ARMC8: variants seen among roughly 807,000 people sequenced by gnomAD.
ARMC8 encodes the protein armadillo repeat containing 8.
Under a neutral mutation model 99.3 loss-of-function variants are expected in ARMC8, and 20 were observed. The ratio of observed to expected loss-of-function variants is 0.20; its 90% confidence interval spans 0.14 to 0.29. The LOEUF is 0.29. Ranked by LOEUF, ARMC8 falls within the 10% of genes least tolerant of loss-of-function variation. The pLI is 1.00. For synonymous variants in ARMC8, 263 were observed against 278.3 expected (o/e 0.95, Z 0.55); for missense variants, 569 against 809.5 (o/e 0.70, Z 3.60).
intron 7 of ARMC8, among the ~76,000 whole-genome samples, chr3:138,237,089 C>T (rs1419934364): frequency 6.6e-6 from 1 of 152,046 alleles, no homozygotes; most frequent in Non-Finnish European, 1.5e-5. Flanking sequence ...TAAATTGCTA[C>T]TTCCTGATTT....
At chr3:138,232,599 G>A (rs1214891897) in intron 6 of ARMC8, among the ~76,000 whole-genome samples, 1 of 152,180 alleles carries the variant, frequency 6.6e-6, no homozygotes, top group Admixed American at 6.5e-5. Context: ...TAGGGTACTA[G>A]TTAAAGTTTA....
At chr3:138,190,114 A>G (rs942939597) in intron 1 of ARMC8, among the ~76,000 whole-genome samples, 2 of 151,798 alleles carry the variant, frequency 1.3e-5, no homozygotes, top group African/African-American at 4.8e-5. Flanking sequence ...AATTATTTTT[A>G]CTGTCTTTAA....
At chr3:138,207,215 C>T (rs973365553) in intron 1 of ARMC8, among the ~76,000 whole-genome samples, 15 of 152,330 alleles carry the variant, frequency 9.8e-5, no homozygotes, top group Middle Eastern at 3.4e-3. Context: ...AGAAGCCTTC[C>T]CTGATTCCCC....
chr3:138,297,592 A>T lies in ARMC8; in HGVS notation c.*1700A>T, dbSNP rs577102983. 212 of 152,312 alleles carry T rather than the reference A, an allele frequency of 1.4e-3. No individual in the cohort carries two copies. The highest frequency in any genetic ancestry group is 5.0e-3 in the African/African-American group (206 of 41,574). 9.4% of individuals were successfully genotyped at this position (152,312 alleles called of 1,614,324 possible). ...AATGAATGTTTTAAAAATGTATTTA[A>T]TGCAATTTTTCCTGCTCTCAACATG... On this transcript the variant is annotated 3_prime_UTR_variant, in exon 22 of 22. Transcript: ENST00000469044.
chr3:138,234,943 GAATGTGGTTTTCTACATTTAAGTA>G, intron 6 of ARMC8, 67 bp from the exon 7 acceptor site: 2 of 1,010,492 alleles, frequency 2.0e-6, no homozygotes, highest in East Asian at 2.5e-5. Flanking sequence ...GTACTGTAGT[GAATGTGGTTTTCTACATTTAAGTA>G]AATGTGGTTT....
chr3:138,222,292 T>C (rs1469028725), intron 3 of ARMC8, among the ~76,000 whole-genome samples: 1 of 152,230 alleles, frequency 6.6e-6, no homozygotes, highest in Admixed American at 6.5e-5. Flanking sequence ...CCTGATACTT[T>C]CTTCTCCATT....
At chr3:138,228,689 C>G (rs2045821528) in intron 5 of ARMC8, 1 of 518,542 alleles carries the variant, frequency 1.9e-6, no homozygotes, top group South Asian at 1.5e-5. Flanking sequence ...TGAGAATTTC[C>G]TGTTCTCATA....
chr3:138,187,516 C>A lies in ARMC8; in HGVS notation c.-39C>A. ...GTTGGCTGTCGAAAGTGCCGGCCCC[C>A]GCGCCGGCGCCTGCAGCAGCCGGGT... On this transcript the variant is annotated 5_prime_UTR_variant, in exon 1 of 22. Coordinates refer to ENST00000469044, the MANE Select transcript of ARMC8 (RefSeq NM_001363941.2). 4 of 1,534,838 alleles carry A rather than the reference C, an allele frequency of 2.6e-6. No individual in the cohort carries two copies. The highest frequency in any genetic ancestry group is 3.5e-6 in the Non-Finnish European group (4 of 1,145,930).
rs529160422 is a variant in ARMC8 at position 138,290,473 on chromosome 3, A to G, written c.1895-73A>G. 1.4e-5 allele frequency: 16 copies of G among 1,114,372 alleles called. No homozygotes were observed. In the South Asian group the frequency reaches 2.1e-4, roughly 15 times the overall value. 69.0% of individuals were successfully genotyped at this position (1,114,372 alleles called of 1,614,324 possible). A position where few individuals can be genotyped will look rare whatever the true frequency, so the allele number is the denominator to read the frequency against. On this transcript the variant is annotated intron_variant, in intron 20 of 21. Transcript: ENST00000469044. ...GAGTGAAGGACACTGGTAAGGCTCT[A>G]GATTGTTAATTGTACATCAAAGAGA...
intron 1 of ARMC8, among the ~76,000 whole-genome samples, chr3:138,202,083 C>G (rs1055060654): frequency 6.6e-6 from 1 of 152,106 alleles, no homozygotes; most frequent in Non-Finnish European, 1.5e-5. Context: ...GTTCAAACTT[C>G]CTATTTTTGT....
At position 138,187,388 on chromosome 3, in the gene ARMC8, C is replaced by G; in HGVS notation, c.-167C>G. On this transcript the variant is annotated 5_prime_UTR_variant, in exon 1 of 22. Coordinates refer to ENST00000469044, the MANE Select transcript of ARMC8 (RefSeq NM_001363941.2). Reference sequence around the variant, plus strand: ...GCCCCTGACGCCATTCCCTTTTGCCCTTCTTTCTGCGGGCCTTTCCGGTAC... The same window carrying G: ...GCCCCTGACGCCATTCCCTTTTGCCGTTCTTTCTGCGGGCCTTTCCGGTAC... 1 of 634,622 alleles carries G rather than the reference C, an allele frequency of 1.6e-6. No homozygotes were observed. Among genetic ancestry groups the G allele is most frequent in the South Asian group, 1.9e-5 (1 of 52,614 alleles). The allele number at this position is 634,622 out of a possible 1,614,324, so 39.3% of individuals were successfully genotyped here.
chr3:138,292,332 G>A (rs1434452345), intron 21 of ARMC8, among the ~76,000 whole-genome samples: 4 of 152,198 alleles, frequency 2.6e-5, no homozygotes, highest in African/African-American at 4.8e-5. Flanking sequence ...GAGCCACCAC[G>A]CCGGGCCCTG....
At chr3:138,245,205 C>T (rs1344672955) in intron 12 of ARMC8, 22 bp downstream of exon 12, 2 of 1,614,066 alleles carry the variant, frequency 1.2e-6, no homozygotes, top group African/African-American at 2.7e-5. Context: ...AGAGGGGCGT[C>T]CCCCAGTCCT....
intron 1 of ARMC8, among the ~76,000 whole-genome samples, chr3:138,196,791 C>T (rs563958460): frequency 2.0e-5 from 3 of 152,080 alleles, no homozygotes; most frequent in East Asian, 1.9e-4. Flanking sequence ...TGCTTGAACC[C>T]GGGAGGCAGA....
intron 15 of ARMC8, among the ~76,000 whole-genome samples, chr3:138,269,025 C>T (rs148018064): frequency 6.6e-6 from 1 of 152,028 alleles, no homozygotes; most frequent in Non-Finnish European, 1.5e-5. Flanking sequence ...TGTACGCATC[C>T]TACTTTCACA....
At chr3:138,255,252 G>C (rs1406101771) in intron 12 of ARMC8, among the ~76,000 whole-genome samples, 1 of 149,226 alleles carries the variant, frequency 6.7e-6, no homozygotes, top group Admixed American at 6.7e-5. Context: ...GCCCAGGCTG[G>C]AGTGCAGTGG....
At chr3:138,222,254 C>T (rs77821318) in intron 3 of ARMC8, among the ~76,000 whole-genome samples, 4,035 of 152,232 alleles carry the variant, frequency 0.027, 171 homozygotes, top group African/African-American at 0.091. Flanking sequence ...CAAAAGGGTT[C>T]GTAAAGTACA....
chr3:138,293,705 G>C (rs1195512763), intron 21 of ARMC8, among the ~76,000 whole-genome samples: 1 of 152,172 alleles, frequency 6.6e-6, no homozygotes, highest in Non-Finnish European at 1.5e-5. Context: ...TAAACAGTGG[G>C]CTCTGTCAGC....
intron 1 of ARMC8, among the ~76,000 whole-genome samples, chr3:138,203,630 T>C (rs1365182116): frequency 1.3e-5 from 2 of 152,184 alleles, no homozygotes. Flanking sequence ...TCTGCTGCAT[T>C]CCATTTGCTA....
Sources: allele counts gnomAD v4.1 joint callset (sites outside exome capture counted in the v4.1 genomes callset), GRCh38; gene constraint gnomAD v4.1.1; transcripts MANE v1.5; gene names NCBI Gene and HGNC (gene_info 2026-07-23, HGNC 2026-07-21).